The following AGBL4 variants were observed in gnomAD, a reference collection of about 807,000 sequenced individuals.
The protein encoded by AGBL4 is AGBL carboxypeptidase 4.
In AGBL4, 58 loss-of-function variants were observed where a neutral mutation model predicts 66.4. The ratio of observed to expected loss-of-function variants is 0.87; its 90% CI spans 0.71 to 1.09. The LOEUF (loss-of-function observed/expected upper bound fraction) is 1.09. Ranked by LOEUF, AGBL4 falls within the 50% of genes least tolerant of loss-of-function variation. The pLI is 0.00. For synonymous variants in AGBL4, 234 were observed against 222.9 expected (o/e 1.05, Z -0.44); for missense variants, 579 against 631.0 (o/e 0.92, Z 0.88).
rs1014434834 is a variant in AGBL4 at position 49,391,707 on chromosome 1, A to G, written c.283-145843T>C. Among the ~76,000 whole-genome samples the G allele has an allele frequency of 2.8e-4, 42 of 151,918 alleles. 1 individual carries two copies. Among genetic ancestry groups the G allele is most frequent in the East Asian group, 3.9e-4 (2 of 5,144 alleles). On this transcript the variant is annotated intron_variant, in intron 3 of 13. Transcript: ENST00000371839. ...CTCCCAAGTAGCTGGGACTACAGGCACCGGCCACCACACCCGGCTAATTTT... is the reference window on the plus strand; with the variant it reads ...CTCCCAAGTAGCTGGGACTACAGGCGCCGGCCACCACACCCGGCTAATTTT...
At chr1:49,502,838 G>A (rs1648295473) in intron 3 of AGBL4, among the ~76,000 whole-genome samples, 1 of 152,066 alleles carries the variant, frequency 6.6e-6, no homozygotes, top group African/African-American at 2.4e-5. Flanking sequence ...AAGCAGCAAA[G>A]CACTCAAGAG....
intron 3 of AGBL4, among the ~76,000 whole-genome samples, chr1:49,434,218 T>C (rs1471343917): frequency 6.6e-6 from 1 of 151,514 alleles, no homozygotes; most frequent in Admixed American, 6.6e-5. Context: ...AATAAGAAGA[T>C]CTGTCCTTTT....
chr1:49,360,467 T>A (rs985444733), intron 3 of AGBL4, among the ~76,000 whole-genome samples: 2 of 152,198 alleles, frequency 1.3e-5, no homozygotes, highest in Non-Finnish European at 2.9e-5. Context: ...GTAACAATGA[T>A]TATGAAAAAA....
At chr1:49,986,472 C>T (rs1298251754) in intron 1 of AGBL4, among the ~76,000 whole-genome samples, 1 of 152,006 alleles carries the variant, frequency 6.6e-6, no homozygotes, top group African/African-American at 2.4e-5. Context: ...ACTGTTTCAA[C>T]ATTTTTGTGC....
At chr1:48,613,035 G>T (rs2148383456) in intron 9 of AGBL4, among the ~76,000 whole-genome samples, 1 of 152,266 alleles carries the variant, frequency 6.6e-6, no homozygotes, top group South Asian at 2.1e-4. Flanking sequence ...TCGGGAGGCT[G>T]AGGCAGGAGA....
At chr1:49,489,019 T>A (rs549171751) in intron 3 of AGBL4, among the ~76,000 whole-genome samples, 96 of 152,058 alleles carry the variant, frequency 6.3e-4, no homozygotes, top group African/African-American at 2.3e-3. Context: ...ATTTTTGATA[T>A]ACTGATTTCC....
intron 5 of AGBL4, among the ~76,000 whole-genome samples, chr1:49,020,091 A>T (rs914644585): frequency 3.3e-5 from 5 of 152,180 alleles, no homozygotes; most frequent in African/African-American, 1.2e-4. Context: ...GATATGGAAT[A>T]ATGTTCTTAA....
chr1:48,956,582 A>G (rs12096793), intron 5 of AGBL4, among the ~76,000 whole-genome samples: 23,057 of 152,198 alleles, frequency 0.15, 3,285 homozygotes, highest in African/African-American at 0.37. Context: ...TACAAGTAGA[A>G]TCAGAGAAAA....
chr1:48,880,750 T>C (rs906141183), intron 5 of AGBL4, among the ~76,000 whole-genome samples: 4 of 152,200 alleles, frequency 2.6e-5, no homozygotes, highest in Non-Finnish European at 5.9e-5. Flanking sequence ...TTTTCCATGC[T>C]TTTTTCTAGC....
chr1:49,892,024 T>TA (rs1648707884), intron 1 of AGBL4, among the ~76,000 whole-genome samples: 1 of 151,956 alleles, frequency 6.6e-6, no homozygotes, highest in African/African-American at 2.4e-5. Context: ...GATCTGGAAC[T>TA]AAAAAAACAA....
At chr1:49,414,329 T>C (rs1389591790) in intron 3 of AGBL4, among the ~76,000 whole-genome samples, 1 of 152,176 alleles carries the variant, frequency 6.6e-6, no homozygotes, top group African/African-American at 2.4e-5. Context: ...AGTTGCACCA[T>C]TCACTTTATT....
intron 3 of AGBL4, among the ~76,000 whole-genome samples, chr1:49,489,757 C>G (rs190126808): frequency 1.3e-4 from 19 of 151,834 alleles, no homozygotes; most frequent in Non-Finnish European, 2.8e-4. Context: ...TATGGATATA[C>G]AGTTTTCCCA....
intron 5 of AGBL4, among the ~76,000 whole-genome samples, chr1:49,029,672 T>C (rs1324047412): frequency 2.0e-5 from 3 of 152,166 alleles, no homozygotes; most frequent in Admixed American, 2.0e-4. Flanking sequence ...TAGAAATTGA[T>C]AAGGTGATCC....
At chr1:48,586,836 G>T in intron 11 of AGBL4, 168 bp downstream of exon 11, 1 of 859,752 alleles carries the variant, frequency 1.2e-6, no homozygotes, top group Middle Eastern at 3.3e-4. Flanking sequence ...ACTAAGGGCT[G>T]AGGCAAACTG....
intron 3 of AGBL4, among the ~76,000 whole-genome samples, chr1:49,422,625 C>T (rs1262893334): frequency 6.6e-6 from 1 of 152,184 alleles, no homozygotes; most frequent in Non-Finnish European, 1.5e-5. Context: ...TATATTTAAG[C>T]ATACACCTTG....
chr1:48,679,802 A>G (rs894128120), intron 6 of AGBL4, among the ~76,000 whole-genome samples: 1 of 152,230 alleles, frequency 6.6e-6, no homozygotes, highest in African/African-American at 2.4e-5. Context: ...GGTAGCTACT[A>G]TGTTGCTTTT....
intron 6 of AGBL4, among the ~76,000 whole-genome samples, chr1:48,804,460 G>T (rs905198163): frequency 2.0e-5 from 3 of 152,120 alleles, no homozygotes; most frequent in Admixed American, 6.5e-5. Flanking sequence ...TTATTCGCTG[G>T]TCAAGTTGGG....
chr1:49,112,316 T>C (rs554056107), intron 4 of AGBL4, among the ~76,000 whole-genome samples: 1 of 152,342 alleles, frequency 6.6e-6, no homozygotes, highest in South Asian at 2.1e-4. Context: ...CATACAGGCA[T>C]ACAATGCTAA....
intron 4 of AGBL4, among the ~76,000 whole-genome samples, chr1:49,085,167 A>T (rs1336558835): frequency 2.0e-5 from 3 of 152,120 alleles, no homozygotes; most frequent in Non-Finnish European, 4.4e-5. Context: ...GCAGGAGAGC[A>T]AATTTGCTGT....
Sources: gnomAD v4.1 joint callset for allele counts (sites outside exome capture counted in the v4.1 genomes callset) on GRCh38, gnomAD v4.1.1 for gene constraint, MANE v1.5 for transcripts, NCBI Gene and HGNC (gene_info 2026-07-23, HGNC 2026-07-21) for gene names.